The following PCMTD1 variants were observed in gnomAD, a reference collection of about 807,000 sequenced individuals.
The protein encoded by PCMTD1 is protein-L-isoaspartate O-methyltransferase domain-containing protein 1.
PCMTD1 carries 12 observed loss-of-function variants against 37.6 expected under a neutral mutation model. That is an observed-to-expected ratio of 0.32 (90% CI 0.20 to 0.52). The LOEUF (loss-of-function observed/expected upper bound fraction) is 0.52, where lower values mean the gene tolerates loss of function less well. Among genes scored for constraint, PCMTD1 ranks in the 20% least tolerant of loss-of-function variants. PCMTD1 has a pLI of 0.97. For missense variants in PCMTD1, 235 were observed against 421.3 expected (o/e 0.56, Z 3.87); for synonymous variants, 117 against 135.8 (o/e 0.86, Z 0.96).
intron 1 of PCMTD1, among the ~76,000 whole-genome samples, chr8:51,891,942 TTC>T (rs1264092269): frequency 2.0e-5 from 3 of 152,066 alleles, no homozygotes; most frequent in Non-Finnish European, 4.4e-5. Context: ...TTCAACAGAA[TTC>T]TGACTGACAT....
intron 1 of PCMTD1, among the ~76,000 whole-genome samples, chr8:51,887,670 A>G (rs958157773): frequency 1.3e-5 from 2 of 151,934 alleles, no homozygotes; most frequent in Non-Finnish European, 2.9e-5. Flanking sequence ...CTCGTTTAAA[A>G]TAAATTAAAA....
At chr8:51,854,929 C>T (rs1359896012) in intron 2 of PCMTD1, among the ~76,000 whole-genome samples, 2 of 149,624 alleles carry the variant, frequency 1.3e-5, no homozygotes, top group Non-Finnish European at 3.0e-5. Context: ...AATCCAAGCA[C>T]TTTGGGAGGC....
At chr8:51,895,126 T>C (rs117713108) in intron 1 of PCMTD1, among the ~76,000 whole-genome samples, 66 of 152,160 alleles carry the variant, frequency 4.3e-4, no homozygotes, top group South Asian at 8.3e-4. Context: ...GAACAAACTC[T>C]AAAAAGGAAA....
In PCMTD1 at chr8:51,831,454, A is replaced by G; in HGVS notation, c.696T>C (p.Ser232=). Residue 232 remains serine (S), a synonymous_variant, in exon 5 of 6, where the codon TCT becomes TCC. Transcript: ENST00000522514. ...PSKNDNGKPD[S]VGLPPCAVRN... ...TGAAGAGCTACTTACGGAGTCCCAC[A>G]GAATCTGGTTTGCCATTATCATTCT... 6.2e-7 allele frequency: 1 copy of G among 1,613,146 alleles called. No individual in the cohort carries two copies. The highest frequency in any genetic ancestry group is 8.5e-7 in the Non-Finnish European group (1 of 1,179,684).
chr8:51,861,726 AT>A (rs879603489), intron 1 of PCMTD1, among the ~76,000 whole-genome samples: 3,855 of 136,836 alleles, frequency 0.028, 155 homozygotes, highest in African/African-American at 0.092. Context: ...TTTTTTTTTA[AT>A]TTTTTTTTTT....
intron 1 of PCMTD1, among the ~76,000 whole-genome samples, chr8:51,877,861 CTA>C (rs1434910808): frequency 1.2e-4 from 18 of 152,148 alleles, no homozygotes; most frequent in Non-Finnish European, 2.9e-5. Flanking sequence ...ATTTTAATAA[CTA>C]TACTGCGCTT....
chr8:51,849,844 C>T, intron 2 of PCMTD1: 1 of 520,950 alleles, frequency 1.9e-6, no homozygotes, highest in Non-Finnish European at 3.4e-6. Flanking sequence ...TGTCTATGTT[C>T]GCCCCTTGTA....
chr8:51,895,599 T>C (rs780442845), intron 1 of PCMTD1, among the ~76,000 whole-genome samples: 6 of 152,220 alleles, frequency 3.9e-5, no homozygotes, highest in Non-Finnish European at 7.3e-5. Flanking sequence ...CCATCAGCAA[T>C]ACCTCTCATT....
chr8:51,884,124 G>A (rs2038831326), intron 1 of PCMTD1, among the ~76,000 whole-genome samples: 1 of 152,162 alleles, frequency 6.6e-6, no homozygotes. Flanking sequence ...CTTTGGGTGT[G>A]TTGCTGTCTG....
intron 1 of PCMTD1, among the ~76,000 whole-genome samples, chr8:51,877,088 T>C (rs1055518172): frequency 2.6e-5 from 4 of 152,248 alleles, no homozygotes; most frequent in Admixed American, 2.0e-4. Context: ...TGCTTGCTTC[T>C]TGGTGCCGTT....
chr8:51,843,443 A>C (rs2038175308), intron 3 of PCMTD1, among the ~76,000 whole-genome samples: 1 of 152,168 alleles, frequency 6.6e-6, no homozygotes, highest in Admixed American at 6.5e-5. Flanking sequence ...TAATAACTAA[A>C]ACAAGGCCAT....
Position 51,885,281 on chromosome 8 carries a change from G to A in PCMTD1, c.-96+13649C>T, listed in dbSNP as rs189831442. On this transcript the variant is annotated intron_variant, in intron 1 of 5. Transcript: ENST00000522514. ...ATTGGGGGGCGGGGAGGATATCTTC[G>A]CTTCTTGGCAAAATTTTAAACACCT... 5.3e-3 allele frequency among the ~76,000 whole-genome samples: 800 copies of A among 152,152 alleles called. 1 individual carries two copies. The highest frequency in any genetic ancestry group is 0.02 in the Middle Eastern group (6 of 294).
intron 1 of PCMTD1, among the ~76,000 whole-genome samples, chr8:51,873,845 C>T (rs911689641): frequency 6.6e-6 from 1 of 152,064 alleles, no homozygotes; most frequent in Non-Finnish European, 1.5e-5. Flanking sequence ...CCTGAAGAAC[C>T]ATGAGCCAAA....
At chr8:51,842,363 C>T (rs1315649788) in intron 3 of PCMTD1, among the ~76,000 whole-genome samples, 1 of 152,108 alleles carries the variant, frequency 6.6e-6, no homozygotes, top group Non-Finnish European at 1.5e-5. Flanking sequence ...AAGGGTCTCA[C>T]TCTGTTGCTC....
At chr8:51,838,643 GA>G (rs1174732213) in intron 3 of PCMTD1, among the ~76,000 whole-genome samples, 4 of 151,924 alleles carry the variant, frequency 2.6e-5, no homozygotes, top group Non-Finnish European at 5.9e-5. Flanking sequence ...CCAAAGTAGA[GA>G]AAAAAATAAA....
At chr8:51,871,586 A>G (rs535310297) in intron 1 of PCMTD1, among the ~76,000 whole-genome samples, 1 of 152,320 alleles carries the variant, frequency 6.6e-6, no homozygotes, top group South Asian at 2.1e-4. Context: ...ATTGTCTTGT[A>G]AAGTTTTCTT....
At chr8:51,839,343 A>C in intron 3 of PCMTD1, 1 of 517,178 alleles carries the variant, frequency 1.9e-6, no homozygotes, top group Non-Finnish European at 2.5e-6. Context: ...TCTTAATAAA[A>C]TGTACCCTGA....
At chr8:51,857,893 G>A (rs970797255) in intron 2 of PCMTD1, among the ~76,000 whole-genome samples, 2 of 152,168 alleles carry the variant, frequency 1.3e-5, no homozygotes, top group Non-Finnish European at 2.9e-5. Context: ...TCAGGAAGCT[G>A]AGGCGGGAGA....
chr8:51,898,516 G>A (rs557555435), intron 1 of PCMTD1, among the ~76,000 whole-genome samples: 5 of 152,170 alleles, frequency 3.3e-5, no homozygotes, highest in South Asian at 2.1e-4. Flanking sequence ...CGGCCCTAAG[G>A]GGCCCGCGGG....
Sources: gnomAD v4.1 joint callset for allele counts (sites outside exome capture counted in the v4.1 genomes callset) on GRCh38, gnomAD v4.1.1 for gene constraint, MANE v1.5 for transcripts, NCBI Gene and HGNC (gene_info 2026-07-23, HGNC 2026-07-21) for gene names.